Variants in DRC4 observed in about 807,000 individuals in gnomAD.
DRC4 encodes GAS-11.
the DRC4 span, chr16:90,043,384 A>G: frequency 6.3e-7 from 1 of 1,576,820 alleles, no homozygotes; most frequent in Non-Finnish European, 8.6e-7. Context: ...GAACCAGCCT[A>G]GGAACACTCG....
At chr16:90,023,660 G>C in the DRC4 span, among the ~76,000 whole-genome samples, 1 of 139,276 alleles carries the variant, frequency 7.2e-6, no homozygotes, top group Non-Finnish European at 1.7e-5. Context: ...TCTGACCCAG[G>C]AAGGGTCTTC....
At chr16:90,036,668 C>A in the DRC4 span, 1 of 1,204,078 alleles carries the variant, frequency 8.3e-7, no homozygotes, top group Non-Finnish European at 1.2e-6. Flanking sequence ...ATCCAGACCC[C>A]AGCTCTCCAC....
At chr16:90,040,572 G>C in the DRC4 span, 5 of 1,396,146 alleles carry the variant, frequency 3.6e-6, no homozygotes, top group South Asian at 6.2e-5. Context: ...AGAGTCTTCA[G>C]TTCTGTGCTG....
At chr16:90,044,664 C>G in the DRC4 span, 6 of 466,234 alleles carry the variant, frequency 1.3e-5, no homozygotes, top group South Asian at 9.3e-5. Flanking sequence ...GACCAGAAGC[C>G]CCCCACCCCA....
At chr16:90,044,624 C>G in the DRC4 span, 1 of 471,106 alleles carries the variant, frequency 2.1e-6, no homozygotes, top group South Asian at 1.5e-5. Context: ...GTCTGTGTAG[C>G]TGGGGAGAGG....
the DRC4 span, chr16:90,031,230 G>A: frequency 5.0e-6 from 8 of 1,600,250 alleles, no homozygotes; most frequent in South Asian, 4.4e-5. Flanking sequence ...GCCTTTCGCC[G>A]GCCACACGCC....
the DRC4 span, chr16:90,036,814 G>C: frequency 7.1e-5 from 47 of 666,042 alleles, no homozygotes; most frequent in South Asian, 7.3e-4. Context: ...CCGTAGTGCA[G>C]AGGGGGAAGT....
the DRC4 span, among the ~76,000 whole-genome samples, chr16:90,031,829 T>G: frequency 1.3e-5 from 2 of 152,126 alleles, no homozygotes; most frequent in Non-Finnish European, 2.9e-5. Flanking sequence ...TTTGCATAGG[T>G]GAACAGGCAT....
chr16:90,025,127 C>T, the DRC4 span, among the ~76,000 whole-genome samples: 1 of 149,654 alleles, frequency 6.7e-6, no homozygotes, highest in Admixed American at 6.6e-5. Flanking sequence ...AGCGATTCTC[C>T]TGCCTCGGCC....
the DRC4 span, among the ~76,000 whole-genome samples, chr16:90,033,389 T>C: frequency 1.3e-5 from 2 of 151,478 alleles, no homozygotes; most frequent in Admixed American, 6.6e-5. Context: ...GTGCACCTGG[T>C]TCAGTGGCTC....
At chr16:90,032,975 C>G in the DRC4 span, 2 of 1,485,316 alleles carry the variant, frequency 1.3e-6, no homozygotes, top group Non-Finnish European at 1.9e-6. Flanking sequence ...GGACGGCAAG[C>G]CTAGTGCTGC....
the DRC4 span, among the ~76,000 whole-genome samples, chr16:90,025,944 A>G: frequency 7.4e-4 from 113 of 152,064 alleles, no homozygotes; most frequent in African/African-American, 2.5e-3. Flanking sequence ...TCCACATGAA[A>G]TTTGTAATTT....
chr16:90,043,099 C>T, the DRC4 span: 129 of 1,374,856 alleles, frequency 9.4e-5, no homozygotes, highest in South Asian at 1.3e-3. Context: ...CCTTCTGCAC[C>T]GTGATGCTCA....
the DRC4 span, among the ~76,000 whole-genome samples, chr16:90,024,030 A>G: frequency 9.9e-5 from 15 of 150,862 alleles, no homozygotes; most frequent in African/African-American, 3.4e-4. Flanking sequence ...CTGTAAACCC[A>G]GCACTTTAGG....
the DRC4 span, chr16:90,019,745 T>G: frequency 1.5e-6 from 1 of 661,950 alleles, no homozygotes; most frequent in African/African-American, 1.9e-5. This position sits in a 1 kb window ranked among gnomAD's most constrained non-coding sequence, Gnocchi z 6.1. Flanking sequence ...CCGCGCCCGC[T>G]GGCGTCCTCT....
the DRC4 span, chr16:90,020,883 T>A: frequency 6.6e-6 from 1 of 152,272 alleles, no homozygotes; most frequent in East Asian, 1.9e-4. Context: ...CCAATCAGCA[T>A]GAAGCTGCTA....
the DRC4 span, chr16:90,035,727 A>G: frequency 6.2e-7 from 1 of 1,612,136 alleles, no homozygotes; most frequent in Non-Finnish European, 8.5e-7. Context: ...TGCCAGAGAC[A>G]CCCCCGCCCC....
chr16:90,037,154 C>T, the DRC4 span: 1 of 1,422,796 alleles, frequency 7.0e-7, no homozygotes, highest in Non-Finnish European at 9.4e-7. Context: ...AGGAGAGCAC[C>T]CAGCTCTCAC....
chr16:90,040,958 G>A, the DRC4 span, among the ~76,000 whole-genome samples: 1 of 152,144 alleles, frequency 6.6e-6, no homozygotes, highest in Non-Finnish European at 1.5e-5. Context: ...AGGCTGTATA[G>A]GAGGGGCCTC....
Sources: allele counts gnomAD v4.1 joint callset (sites outside exome capture counted in the v4.1 genomes callset), GRCh38; gene constraint gnomAD v4.1.1; non-coding constraint Gnocchi (gnomAD v3.1); transcripts MANE v1.5; gene names NCBI Gene and HGNC (gene_info 2026-07-23, HGNC 2026-07-21).